The following ITPR1 variants were observed in gnomAD, a reference collection of about 807,000 sequenced individuals.
ITPR1 encodes the protein inositol 1,4,5-trisphosphate-gated calcium channel ITPR1.
Under a neutral mutation model 318.4 loss-of-function variants are expected in ITPR1, and 96 were observed. The ratio of observed to expected loss-of-function variants is 0.30; its 90% CI spans 0.26 to 0.36. The LOEUF is 0.36. ITPR1 is among the 10% of genes least tolerant of loss of function. ITPR1 has a pLI of 1.00. For synonymous variants in ITPR1, 1,312 were observed against 1,289.9 expected (o/e 1.02, Z -0.37); for missense variants, 2,440 against 3,460.2 (o/e 0.71, Z 7.40).
intron 5 of ITPR1, among the ~76,000 whole-genome samples, chr3:4,633,678 G>A (rs769068105): frequency 6.6e-6 from 1 of 152,184 alleles, no homozygotes; most frequent in Non-Finnish European, 1.5e-5. Context: ...TTGACAAAAT[G>A]AGCTTCTTCC....
intron 13 of ITPR1, among the ~76,000 whole-genome samples, chr3:4,659,087 A>C (rs779346614): frequency 2.0e-5 from 3 of 152,228 alleles, no homozygotes; most frequent in Non-Finnish European, 4.4e-5. Context: ...TTTAAGACAC[A>C]TAGGGTTATT....
At position 4,711,888 on chromosome 3, in the gene ITPR1, T is replaced by C. The variant is rs2041398874; in HGVS notation, c.5103+20T>C. On this transcript the variant is annotated intron_variant, in intron 39 of 61. Coordinates refer to ENST00000649015, the MANE Select transcript of ITPR1 (RefSeq NM_001378452.1). ...GAAAAGGTACTGCATTTTATTTTCA[T>C]GGTCAAACCAGGTTTTACTATGAAA... 2 of 1,316,568 alleles carry C rather than the reference T, an allele frequency of 1.5e-6. No individual in the cohort carries two copies. Among genetic ancestry groups the C allele is most frequent in the Non-Finnish European group, 2.1e-6 (2 of 956,078 alleles). 81.6% of individuals were successfully genotyped at this position (1,316,568 alleles called of 1,614,324 possible).
Position 4,845,395 on chromosome 3 carries a change from G to C in ITPR1, c.8191-744G>C, listed in dbSNP as rs562859919. On this transcript the variant is annotated intron_variant, in intron 61 of 61. Coordinates refer to ENST00000649015, the MANE Select transcript of ITPR1 (RefSeq NM_001378452.1). ...CCCTAAAATACCTAGAACAGGTCTA[G>C]AGACCCATCAACATGAGAATATATT... is the stretch of plus-strand genomic sequence containing the variant. Among the ~76,000 whole-genome samples the C allele has an allele frequency of 3.3e-5, 5 of 152,322 alleles. No homozygotes were observed. In the South Asian group the frequency reaches 6.2e-4, roughly 19 times the overall value.
intron 44 of ITPR1, among the ~76,000 whole-genome samples, chr3:4,760,118 A>T (rs2125361787): frequency 6.6e-6 from 1 of 152,272 alleles, no homozygotes; most frequent in Non-Finnish European, 1.5e-5. Context: ...ATGGGAGGAG[A>T]GTTGGTTGTG....
intron 4 of ITPR1, among the ~76,000 whole-genome samples, chr3:4,539,817 G>A (rs538016342): frequency 3.8e-4 from 58 of 152,226 alleles, no homozygotes; most frequent in Non-Finnish European, 7.4e-4. Context: ...ACCCTGTGCT[G>A]CCGAGGGACT....
At chr3:4,730,227 A>C (rs1378621605) in intron 42 of ITPR1, among the ~76,000 whole-genome samples, 1 of 147,816 alleles carries the variant, frequency 6.8e-6, no homozygotes, top group Non-Finnish European at 1.5e-5. Flanking sequence ...AAAAAAAAAA[A>C]AAACAAAAAA....
At chr3:4,720,914 G>T (rs963782759) in intron 40 of ITPR1, among the ~76,000 whole-genome samples, 3 of 151,902 alleles carry the variant, frequency 2.0e-5, no homozygotes, top group Admixed American at 2.0e-4. Context: ...CTGCTGGGTT[G>T]GGTACCTGCC....
intron 17 of ITPR1, among the ~76,000 whole-genome samples, 177 bp downstream of exon 17, chr3:4,665,473 G>C (rs551523302): frequency 6.6e-6 from 1 of 152,184 alleles, no homozygotes; most frequent in Non-Finnish European, 1.5e-5. Context: ...TTACCTAATC[G>C]TTAAGAAACG....
At chr3:4,633,096 G>A (rs757966902) in intron 5 of ITPR1, among the ~76,000 whole-genome samples, 9 of 151,872 alleles carry the variant, frequency 5.9e-5, no homozygotes, top group Admixed American at 2.0e-4. Context: ...GCGTCACCAC[G>A]CCCGGCTAAT....
At chr3:4,513,265 T>C (rs1174775188) in intron 2 of ITPR1, among the ~76,000 whole-genome samples, 1 of 152,208 alleles carries the variant, frequency 6.6e-6, no homozygotes, top group African/African-American at 2.4e-5. Context: ...CCTTTGTTTT[T>C]CCTTCCAGGA....
intron 3 of ITPR1, among the ~76,000 whole-genome samples, chr3:4,518,655 C>T (rs2082334138): frequency 6.6e-6 from 1 of 152,290 alleles, no homozygotes; most frequent in South Asian, 2.1e-4. Flanking sequence ...ATGGTGGTTA[C>T]CTCCAAATGG....
chr3:4,496,917 G>T (rs909170946), intron 2 of ITPR1, among the ~76,000 whole-genome samples: 1 of 152,242 alleles, frequency 6.6e-6, no homozygotes, highest in Admixed American at 6.5e-5. Context: ...CTGGAGTTAG[G>T]TTTCTAGGTC....
At chr3:4,799,145 C>G (rs772131451) in intron 53 of ITPR1, among the ~76,000 whole-genome samples, 6 of 152,222 alleles carry the variant, frequency 3.9e-5, no homozygotes, top group Non-Finnish European at 7.3e-5. Context: ...CAGCCATTTG[C>G]TGCATCACTT....
At chr3:4,661,429 G>A (rs184509940) in intron 14 of ITPR1, among the ~76,000 whole-genome samples, 19 of 152,222 alleles carry the variant, frequency 1.2e-4, no homozygotes, top group African/African-American at 4.1e-4. Flanking sequence ...GTATCTAGTT[G>A]ATTTCCCCCA....
chr3:4,614,080 A>G (rs2092284951), intron 4 of ITPR1, among the ~76,000 whole-genome samples: 1 of 152,164 alleles, frequency 6.6e-6, no homozygotes, highest in Non-Finnish European at 1.5e-5. Context: ...TTGATTTGGC[A>G]TCTTTCACTC....
At chr3:4,621,553 G>T (rs2092635059) in intron 4 of ITPR1, among the ~76,000 whole-genome samples, 1 of 152,156 alleles carries the variant, frequency 6.6e-6, no homozygotes, top group African/African-American at 2.4e-5. Context: ...CAATATGAAA[G>T]CTCCCTTAGG....
At chr3:4,547,005 G>A (rs150242480) in intron 4 of ITPR1, among the ~76,000 whole-genome samples, 186 of 152,218 alleles carry the variant, frequency 1.2e-3, no homozygotes, top group Admixed American at 2.3e-3. Context: ...CTCCAATAAC[G>A]CTCTTGACCT....
chr3:4,521,167 G>T (rs914896456), intron 4 of ITPR1, 73 bp downstream of exon 4: 2 of 1,008,664 alleles, frequency 2.0e-6, no homozygotes. Flanking sequence ...GTTGGTGTGT[G>T]TGTGTGTTTA....
At chr3:4,716,795 A>G (rs1437416691) in intron 39 of ITPR1, among the ~76,000 whole-genome samples, 2 of 152,166 alleles carry the variant, frequency 1.3e-5, no homozygotes, top group Non-Finnish European at 1.5e-5. Flanking sequence ...CATGTCACTA[A>G]TATCACTTGA....
Sources: gnomAD v4.1 joint callset for allele counts (sites outside exome capture counted in the v4.1 genomes callset) on GRCh38, gnomAD v4.1.1 for gene constraint, MANE v1.5 for transcripts, NCBI Gene and HGNC (gene_info 2026-07-23, HGNC 2026-07-21) for gene names.